SEMA5A: variants seen among roughly 807,000 people sequenced by gnomAD.
SEMA5A encodes semaphorin 5A.
SEMA5A carries 55 observed loss-of-function variants against 135.5 expected under a neutral mutation model. The observed-to-expected ratio is 0.41, with a 90% CI of 0.33 to 0.51. SEMA5A has a LOEUF of 0.51. Among genes scored for constraint, SEMA5A ranks in the 20% least tolerant of loss-of-function variants. The pLI, the probability that SEMA5A is intolerant of heterozygous loss-of-function variation, is 0.37. For synonymous variants in SEMA5A, 580 were observed against 546.5 expected (o/e 1.06, Z -0.85); for missense variants, 1,290 against 1,419.9 (o/e 0.91, Z 1.47).
At chr5:9,500,834 C>A (rs1735559321) in intron 1 of SEMA5A, among the ~76,000 whole-genome samples, 1 of 152,154 alleles carries the variant, frequency 6.6e-6, no homozygotes, top group African/African-American at 2.4e-5. Flanking sequence ...CAATTCCAAG[C>A]ACACTTGCTC....
At chr5:9,384,527 T>TATAGATAGATAG (rs10547408) in intron 2 of SEMA5A, among the ~76,000 whole-genome samples, 5 of 96,550 alleles carry the variant, frequency 5.2e-5, no homozygotes, top group East Asian at 3.2e-4. Context: ...GAACCTCTGC[T>TATAGATAGATAG]ATAGATAGAT....
intron 1 of SEMA5A, among the ~76,000 whole-genome samples, chr5:9,483,074 C>T (rs1759936643): frequency 6.6e-6 from 1 of 152,132 alleles, no homozygotes; most frequent in Admixed American, 6.5e-5. Flanking sequence ...AATTGAGATT[C>T]AGAAGCACTT....
chr5:9,246,652 A>G (rs1748497913), intron 5 of SEMA5A, among the ~76,000 whole-genome samples: 1 of 152,206 alleles, frequency 6.6e-6, no homozygotes, highest in Admixed American at 6.5e-5. Flanking sequence ...AAAATGTCAC[A>G]CCAACCGAGC....
chr5:9,457,829 G>T (rs115455692), intron 1 of SEMA5A, among the ~76,000 whole-genome samples: 1,859 of 151,266 alleles, frequency 0.012, 32 homozygotes, highest in African/African-American at 0.044. Context: ...TTTTGAAAGG[G>T]TCACAGGATA....
chr5:9,347,348 T>G (rs1753921944), intron 3 of SEMA5A, among the ~76,000 whole-genome samples: 1 of 152,226 alleles, frequency 6.6e-6, no homozygotes, highest in Admixed American at 6.5e-5. Flanking sequence ...AGAAAAATAT[T>G]CACAAACTAC....
intron 16 of SEMA5A, among the ~76,000 whole-genome samples, chr5:9,085,154 G>A (rs1738609003): frequency 1.3e-5 from 2 of 152,180 alleles, no homozygotes; most frequent in Non-Finnish European, 2.9e-5. Context: ...TTTTATAAGG[G>A]AGGCAGAACA....
At chr5:9,148,881 A>G (rs1310490432) in intron 12 of SEMA5A, among the ~76,000 whole-genome samples, 1 of 152,014 alleles carries the variant, frequency 6.6e-6, no homozygotes, top group Non-Finnish European at 1.5e-5. Context: ...TACCATGTCC[A>G]GCTAATTTTT....
chr5:9,221,447 CG>C (rs1246294874), intron 8 of SEMA5A, among the ~76,000 whole-genome samples: 1 of 151,060 alleles, frequency 6.6e-6, no homozygotes, highest in African/African-American at 2.4e-5. Context: ...GGACTACAGG[CG>C]CCCACCACCA....
chr5:9,127,861 T>G (rs748038600), intron 13 of SEMA5A, among the ~76,000 whole-genome samples: 9 of 152,110 alleles, frequency 5.9e-5, no homozygotes, highest in Non-Finnish European at 1.3e-4. Flanking sequence ...AAGGAAATCC[T>G]AAACTCATAA....
chr5:9,382,422 C>T (rs868106091), intron 2 of SEMA5A, among the ~76,000 whole-genome samples: 1 of 151,964 alleles, frequency 6.6e-6, no homozygotes. Flanking sequence ...GGAAAGAGGC[C>T]TTCTTTAAAA....
chr5:9,178,689 G>C (rs1361194847), intron 11 of SEMA5A, among the ~76,000 whole-genome samples: 1 of 152,110 alleles, frequency 6.6e-6, no homozygotes, highest in Non-Finnish European at 1.5e-5. Flanking sequence ...AAAAGTGTTG[G>C]TAATGATTGT....
At chr5:9,229,058 T>C (rs922613586) in intron 6 of SEMA5A, among the ~76,000 whole-genome samples, 12 of 152,234 alleles carry the variant, frequency 7.9e-5, no homozygotes. Flanking sequence ...CTCAAAGTGC[T>C]GGGATTACAG....
chr5:9,051,958 G>A lies in SEMA5A; in HGVS notation c.2760C>T (p.Cys920=). ...GGCTGCCCATGGGGAACAGGAGGATGCACTGGCGGGCGCGGACTTGGACGC... is the reference window on the plus strand; with the variant it reads ...GGCTGCCCATGGGGAACAGGAGGATACACTGGCGGGCGCGGACTTGGACGC... ...ASGVQVRARQ[C]ILLFPMGSQC... is the part of the protein sequence containing the mutation. Residue 920 remains cysteine, a synonymous_variant, in exon 20 of 23, where the codon TGC becomes TGT. Coordinates refer to ENST00000382496, the MANE Select transcript of SEMA5A (RefSeq NM_003966.3). 6.2e-7 allele frequency: 1 copy of A among 1,614,100 alleles called. No homozygotes were observed.
chr5:9,110,426 C>T (rs760047186), intron 15 of SEMA5A, among the ~76,000 whole-genome samples: 5 of 152,104 alleles, frequency 3.3e-5, no homozygotes, highest in Admixed American at 2.0e-4. Context: ...AACTAGAGGA[C>T]GCTGGATTGC....
chr5:9,256,789 G>A (rs763059535), intron 5 of SEMA5A, among the ~76,000 whole-genome samples: 7 of 152,180 alleles, frequency 4.6e-5, no homozygotes, highest in Non-Finnish European at 8.8e-5. Context: ...GTTTACTTTT[G>A]CAAACTTCTG....
At chr5:9,496,964 C>G (rs1301730061) in intron 1 of SEMA5A, among the ~76,000 whole-genome samples, 1 of 152,220 alleles carries the variant, frequency 6.6e-6, no homozygotes, top group Non-Finnish European at 1.5e-5. Flanking sequence ...TTTTAATATG[C>G]ATAGAGAGAA....
intron 1 of SEMA5A, among the ~76,000 whole-genome samples, chr5:9,441,569 G>A (rs1409979196): frequency 2.0e-5 from 3 of 152,072 alleles, no homozygotes; most frequent in Non-Finnish European, 2.9e-5. Context: ...GTGAAAAAAA[G>A]CAATTCCACA....
intron 5 of SEMA5A, among the ~76,000 whole-genome samples, chr5:9,265,088 A>G (rs957561007): frequency 6.6e-6 from 1 of 152,200 alleles, no homozygotes; most frequent in Non-Finnish European, 1.5e-5. Flanking sequence ...TGTGGATTGA[A>G]TGACTGAAAC....
chr5:9,509,737 T>G (rs1363264152), intron 1 of SEMA5A, among the ~76,000 whole-genome samples: 1 of 152,208 alleles, frequency 6.6e-6, no homozygotes, highest in East Asian at 1.9e-4. Context: ...GTTTCTGAGT[T>G]AGACCACTGG....
Sources: gnomAD v4.1 joint callset for allele counts (sites outside exome capture counted in the v4.1 genomes callset) on GRCh38, gnomAD v4.1.1 for gene constraint, MANE v1.5 for transcripts, NCBI Gene and HGNC (gene_info 2026-07-23, HGNC 2026-07-21) for gene names.